The following ARHGAP8 variants were observed in gnomAD, a reference collection of about 807,000 sequenced individuals.
ARHGAP8 encodes the protein rho GTPase-activating protein 8.
In ARHGAP8, 62 loss-of-function variants were observed where a neutral mutation model predicts 46.1. That is an observed-to-expected ratio of 1.34 (90% CI 1.10 to 1.66). The LOEUF is 1.66. Among genes scored for constraint, ARHGAP8 ranks in the 40% most tolerant of loss-of-function variants. The pLI is 0.00. For missense variants in ARHGAP8, 923 were observed against 568.4 expected, an observed-to-expected ratio of 1.62 and a Z score of -6.34; for synonymous variants, 375 against 243.1, an observed-to-expected ratio of 1.54 and a Z score of -5.05.
At chr22:44,761,466 G>T (rs1390080026) in intron 1 of ARHGAP8, among the ~76,000 whole-genome samples, 1 of 152,190 alleles carries the variant, frequency 6.6e-6, no homozygotes, top group Non-Finnish European at 1.5e-5. Context: ...AAGTGTTACA[G>T]GTAATCTAGA....
intron 1 of ARHGAP8, among the ~76,000 whole-genome samples, chr22:44,763,437 C>T (rs1295740748): frequency 6.9e-6 from 1 of 144,082 alleles, no homozygotes; most frequent in Non-Finnish European, 1.5e-5. Flanking sequence ...GCAGAGGTTG[C>T]ACCGAGATCA....
At chr22:44,821,423 C>T (rs918388180) in intron 5 of ARHGAP8, among the ~76,000 whole-genome samples, 17 of 17,144 alleles carry the variant, frequency 9.9e-4, no homozygotes, top group African/African-American at 4.7e-3. Flanking sequence ...AGCGAGACTC[C>T]ATCTCGAAAA....
Position 44,838,371 on chromosome 22 carries a change from C to T in ARHGAP8, c.597-6898C>T, listed in dbSNP as rs558729221. On this transcript the variant is annotated intron_variant, in intron 7 of 11. Coordinates refer to ENST00000356099, the MANE Select transcript of ARHGAP8 (RefSeq NM_181335.3). ...CAGGCTGGTCTCGAACTCCTGACCT[C>T]GTGATCTGCCCATGTCTGCCTCCCA... 2.5e-4 allele frequency among the ~76,000 whole-genome samples: 38 copies of T among 152,250 alleles called. No individual in the cohort carries two copies. In the South Asian group the frequency reaches 3.7e-3, roughly 15 times the overall value.
In ARHGAP8 at chr22:44,861,523, T is replaced by G. The variant is rs563421825; in HGVS notation, c.982-752T>G. ...CTCACCTGAGCATCCTCAACAGATC[T>G]GTGAGGGTGGTGCCTGGCCCTGCCT... On this transcript the variant is annotated intron_variant, in intron 11 of 11. Transcript: ENST00000356099. Among the ~76,000 whole-genome samples, 54 of 137,538 alleles carry G rather than the reference T, an allele frequency of 3.9e-4. No individual in the cohort carries two copies. The South Asian group carries it at 0.011, about 28-fold the overall frequency. 90.2% of individuals were successfully genotyped at this position (137,538 alleles called of 152,430 possible).
chr22:44,848,931 G>A lies in ARHGAP8; in HGVS notation c.749-1G>A. 2 of 1,614,110 alleles carry A rather than the reference G, an allele frequency of 1.2e-6. No individual in the cohort carries two copies. Among genetic ancestry groups the A allele is most frequent in the Non-Finnish European group, 1.7e-6 (2 of 1,179,988 alleles). Reference sequence around the variant, plus strand: ...TCAGCAGTGCTGTGTTGTGTGTGCAGGGAAGCCCGTGAACTTTGACGACTA... The same window carrying A: ...TCAGCAGTGCTGTGTTGTGTGTGCAAGGAAGCCCGTGAACTTTGACGACTA... On this transcript the variant is annotated splice_acceptor_variant, in intron 9 of 11. Transcript: ENST00000356099. LOFTEE classifies it high-confidence loss of function.
Position 44,859,802 on chromosome 22 carries a change from G to C in ARHGAP8, c.949G>C (p.Val317Leu), listed in dbSNP as rs149696716. Residue 317 changes from valine (V) to leucine (L), a missense_variant, in exon 11 of 12, where the codon GTC (valine) becomes CTC (leucine). Val to Leu is a conservative substitution (Grantham distance 32, BLOSUM62 1). Transcript: ENST00000356099. ...GAGCCTCCCAGAGCACAACTACGTC[G>C]TCCTCCGCTACCTCATGGGCTTCCT... ...LRSLPEHNYV[V>L]LRYLMGFLHA... 3 of 1,613,938 alleles carry C rather than the reference G, an allele frequency of 1.9e-6. No individual in the cohort carries two copies. The highest frequency in any genetic ancestry group is 2.5e-6 in the Non-Finnish European group (3 of 1,180,022).
Position 44,862,600 on chromosome 22 carries a change from G to T in ARHGAP8, c.*5G>T. 1 of 1,557,976 alleles carries T rather than the reference G, an allele frequency of 6.4e-7. No homozygotes were observed. The highest frequency in any genetic ancestry group is 8.7e-7 in the Non-Finnish European group (1 of 1,149,054). On this transcript the variant is annotated 3_prime_UTR_variant, in exon 12 of 12. Transcript: ENST00000356099. Reference sequence around the variant, plus strand: ...GCAGCCAGAAGACGTCTCTAGTGTTGCGAACACTCTGTATATTTCGAGCTA... The same window carrying T: ...GCAGCCAGAAGACGTCTCTAGTGTTTCGAACACTCTGTATATTTCGAGCTA...
intron 6 of ARHGAP8, among the ~76,000 whole-genome samples, chr22:44,825,268 G>T (rs535822874): frequency 6.6e-6 from 1 of 152,158 alleles, no homozygotes; most frequent in Non-Finnish European, 1.5e-5. Flanking sequence ...TTTGCTGGAG[G>T]TTGGACTACT....
intron 4 of ARHGAP8, chr22:44,808,648 T>C (rs774521140): frequency 4.9e-5 from 45 of 911,364 alleles, no homozygotes; most frequent in South Asian, 2.5e-4. Context: ...TCATTTTTTT[T>C]TTTCTTTCTT....
chr22:44,795,600 C>A (rs1357734755), intron 2 of ARHGAP8, among the ~76,000 whole-genome samples: 2 of 152,162 alleles, frequency 1.3e-5, no homozygotes, highest in East Asian at 1.9e-4. Flanking sequence ...CTCCCCTCCC[C>A]ACCACCTGCA....
chr22:44,841,056 G>A (rs1266190487), intron 7 of ARHGAP8, among the ~76,000 whole-genome samples: 3 of 152,136 alleles, frequency 2.0e-5, no homozygotes, highest in African/African-American at 7.2e-5. Flanking sequence ...GGGGAGTCCC[G>A]TTTACATTTA....
At chr22:44,855,276 C>G (rs2070193830) in intron 10 of ARHGAP8, among the ~76,000 whole-genome samples, 1 of 152,024 alleles carries the variant, frequency 6.6e-6, no homozygotes, top group South Asian at 2.1e-4. Context: ...TCAAGCAATC[C>G]TCCCACCTCA....
rs185968540 is a variant in ARHGAP8, at chr22:44,796,483, G to C, written c.80-5594G>C. ...TATTTTTGTTATTCATGGCGGGGGT[G>C]GGGGGCTCTAAGACCTCCAGGAAGG... On this transcript the variant is annotated intron_variant, in intron 2 of 11. Transcript: ENST00000356099. Among the ~76,000 whole-genome samples the C allele has an allele frequency of 2.4e-3, 367 of 152,114 alleles. 5 individuals carry two copies. Among genetic ancestry groups the C allele is most frequent in the African/African-American group, 8.6e-3 (356 of 41,502 alleles).
chr22:44,803,003 G>A (rs1028313181), intron 3 of ARHGAP8, among the ~76,000 whole-genome samples: 15 of 152,180 alleles, frequency 9.9e-5, no homozygotes, highest in Admixed American at 4.6e-4. Context: ...TGCTGCTGCT[G>A]CTGCTGCCGC....
At chr22:44,821,260 T>A (rs1930119735) in intron 5 of ARHGAP8, among the ~76,000 whole-genome samples, 1 of 151,888 alleles carries the variant, frequency 6.6e-6, no homozygotes, top group Admixed American at 6.6e-5. Context: ...TGAAACCCCG[T>A]CTCTACTAAA....
intron 5 of ARHGAP8, among the ~76,000 whole-genome samples, chr22:44,819,241 A>G (rs1929959937): frequency 6.6e-6 from 1 of 152,054 alleles, no homozygotes; most frequent in Non-Finnish European, 1.5e-5. Context: ...TAAATTTTGA[A>G]CTTTTAGTAG....
At chr22:44,806,683 G>C (rs986557458) in intron 3 of ARHGAP8, among the ~76,000 whole-genome samples, 1 of 152,080 alleles carries the variant, frequency 6.6e-6, no homozygotes, top group Non-Finnish European at 1.5e-5. Flanking sequence ...GGCCGGGCAC[G>C]GTGGCTCATG....
intron 7 of ARHGAP8, among the ~76,000 whole-genome samples, chr22:44,836,953 C>T (rs528402817): frequency 1.3e-5 from 2 of 152,134 alleles, no homozygotes; most frequent in Admixed American, 6.5e-5. Context: ...ATCTCGATCT[C>T]GTCTCAGTGC....
chr22:44,829,863 C>T (rs1930814275), intron 7 of ARHGAP8, among the ~76,000 whole-genome samples: 1 of 152,076 alleles, frequency 6.6e-6, no homozygotes. Flanking sequence ...GTCAAAGATT[C>T]AAGAGGTCTT....
Sources: allele counts gnomAD v4.1 joint callset (sites outside exome capture counted in the v4.1 genomes callset), GRCh38; gene constraint gnomAD v4.1.1; transcripts MANE v1.5; gene names NCBI Gene and HGNC (gene_info 2026-07-23, HGNC 2026-07-21).